The following WWC1 variants were observed in gnomAD, a reference collection of about 807,000 sequenced individuals.
WWC1 encodes the protein protein KIBRA.
In WWC1, 55 loss-of-function variants were observed where a neutral mutation model predicts 138.4. The ratio of observed to expected loss-of-function variants is 0.40; its 90% CI spans 0.32 to 0.50. The LOEUF (loss-of-function observed/expected upper bound fraction) is 0.50. WWC1 is among the 20% of genes least tolerant of loss of function. The pLI is 0.72. For missense variants in WWC1, 1,226 were observed against 1,420.4 expected (o/e 0.86, Z 2.20); for synonymous variants, 524 against 564.9 (o/e 0.93, Z 1.03).
chr5:168,370,934 T>C (rs898482017), intron 1 of WWC1, among the ~76,000 whole-genome samples: 8 of 152,208 alleles, frequency 5.3e-5, no homozygotes, highest in Admixed American at 4.6e-4. Context: ...CATCTGCTAT[T>C]CTTGATGTTG....
intron 17 of WWC1, among the ~76,000 whole-genome samples, chr5:168,451,903 C>CTTTTTTTTTT (rs3085192): frequency 9.2e-6 from 1 of 108,526 alleles, no homozygotes; most frequent in Non-Finnish European, 1.8e-5. Context: ...TTGTTGGTGT[C>CTTTTTTTTTT]TTTTTTTTTT....
intron 9 of WWC1, among the ~76,000 whole-genome samples, chr5:168,421,322 ACAC>A (rs1477622245): frequency 6.6e-6 from 1 of 152,206 alleles, no homozygotes; most frequent in South Asian, 2.1e-4. Context: ...GGCAGGGTAC[ACAC>A]CACCAGTCTC....
At chr5:168,397,970 T>A (rs1369804308) in intron 4 of WWC1, among the ~76,000 whole-genome samples, 170 bp downstream of exon 4, 5 of 152,194 alleles carry the variant, frequency 3.3e-5, no homozygotes, top group Admixed American at 6.5e-5. Flanking sequence ...ATAGTAATGG[T>A]TGTAGCAGCT....
rs185055112 is a variant in WWC1, at chr5:168,306,103, A to G, written c.119+13832A>G. Among the ~76,000 whole-genome samples the G allele has an allele frequency of 1.9e-3, 282 of 152,326 alleles. 2 individuals are homozygous for G. Among genetic ancestry groups the G allele is most frequent in the Admixed American group, 4.3e-3 (66 of 15,290 alleles). The stretch of plus-strand genomic sequence containing the variant: ...ATAGTTGCAGGAGGTGGAGAAGTAA[A>G]TATCTGGGAGATGGCCGGGTGCAGT... On this transcript the variant is annotated intron_variant, in intron 1 of 22. Transcript: ENST00000265293.
At chr5:168,356,537 G>T (rs1383603160) in intron 1 of WWC1, among the ~76,000 whole-genome samples, 1 of 152,218 alleles carries the variant, frequency 6.6e-6, no homozygotes, top group South Asian at 2.1e-4. Flanking sequence ...TCTGGGAATC[G>T]AATGTGATAA....
At chr5:168,327,919 A>G (rs1488601538) in intron 1 of WWC1, among the ~76,000 whole-genome samples, 1 of 152,122 alleles carries the variant, frequency 6.6e-6, no homozygotes, top group Non-Finnish European at 1.5e-5. Context: ...AATTCTGAAC[A>G]CTCAGCTGGG....
intron 1 of WWC1, among the ~76,000 whole-genome samples, chr5:168,346,695 C>T (rs894821303): frequency 2.0e-5 from 3 of 152,294 alleles, no homozygotes; most frequent in Middle Eastern, 3.4e-3. Context: ...AAGTAAAAGC[C>T]GGGACCTCCC....
chr5:168,390,223 A>T (rs1441069653), intron 3 of WWC1, among the ~76,000 whole-genome samples: 1 of 152,228 alleles, frequency 6.6e-6, no homozygotes, highest in Non-Finnish European at 1.5e-5. Context: ...TAACAAATGT[A>T]AAGTCCTTGG....
chr5:168,428,631 G>A, intron 12 of WWC1, 76 bp from the exon 13 acceptor site: 2 of 1,446,118 alleles, frequency 1.4e-6, no homozygotes, highest in South Asian at 1.2e-5. Flanking sequence ...TCCTTCCTGG[G>A]GATGTAACCT....
chr5:168,292,417 C>T lies in WWC1; in HGVS notation c.119+146C>T, dbSNP rs575060558. The T allele has an allele frequency of 1.0e-6, 1 of 969,030 alleles. No individual in the cohort carries two copies. Among genetic ancestry groups the T allele is most frequent in the Non-Finnish European group, 1.5e-6 (1 of 675,362 alleles). The allele number at this position is 969,030 out of a possible 1,614,324, so 60.0% of individuals were successfully genotyped here. On this transcript the variant is annotated intron_variant, in intron 1 of 22. Coordinates refer to ENST00000265293, the MANE Select transcript of WWC1 (RefSeq NM_015238.3). The surrounding 1 kb of genome is among the most constrained non-coding windows in gnomAD (Gnocchi z 4.4). ...TTCAGTTCGCCACCCCCTGCTCCCC[C>T]CAACCTTCTGGAGCGCTGCTCCCGC...
Position 168,372,053 on chromosome 5 carries a change from TTGTGTGTGTG to T in WWC1, c.229+552_229+561del, listed in dbSNP as rs10595228. ...AGAGAGAGAGAGAGAAAGAGTGTGT[TTGTGTGTGTG>T]TGTGTGTGTGTGTGTGTGTGTGTGT... On this transcript the variant is annotated intron_variant, in intron 2 of 22. Transcript: ENST00000265293. Among the ~76,000 whole-genome samples, 220 of 141,336 alleles carry T rather than the reference TTGTGTGTGTG, an allele frequency of 1.6e-3. 1 individual carries two copies. Among genetic ancestry groups the T allele is most frequent in the Middle Eastern group, 0.011 (3 of 284 alleles). The allele number at this position is 141,336 out of a possible 152,430, so 92.7% of individuals were successfully genotyped here. A position where few individuals can be genotyped will look rare whatever the true frequency, so the allele number is the denominator to read the frequency against.
chr5:168,362,676 A>G (rs1775967735), intron 1 of WWC1, among the ~76,000 whole-genome samples: 1 of 152,252 alleles, frequency 6.6e-6, no homozygotes, highest in African/African-American at 2.4e-5. Context: ...CCCAACAGGC[A>G]GCACACAGAG....
chr5:168,449,251 T>C (rs1391647943), intron 17 of WWC1, among the ~76,000 whole-genome samples: 1 of 152,206 alleles, frequency 6.6e-6, no homozygotes, highest in African/African-American at 2.4e-5. Flanking sequence ...TGTGGTTTTT[T>C]TTTCTCATCT....
At chr5:168,336,181 G>A (rs1773435687) in intron 1 of WWC1, among the ~76,000 whole-genome samples, 2 of 152,194 alleles carry the variant, frequency 1.3e-5, no homozygotes, top group Non-Finnish European at 2.9e-5. Context: ...AAACTCAGCT[G>A]TAGGTGATTT....
chr5:168,346,297 G>T lies in WWC1; in HGVS notation c.120-25127G>T, dbSNP rs566286038. ...AAGATACTTAGGAAAGCAGGGAGCA[G>T]CCCAGAGTGCGAGCCCAGTGTCACA... On this transcript the variant is annotated intron_variant, in intron 1 of 22. Transcript: ENST00000265293. 2.6e-5 allele frequency among the ~76,000 whole-genome samples: 4 copies of T among 152,286 alleles called. No homozygotes were observed. The East Asian group carries it at 7.7e-4, about 29-fold the overall frequency.
At chr5:168,423,512 C>G (rs1351007434) in intron 10 of WWC1, 21 bp from the exon 11 acceptor site, 2 of 1,594,160 alleles carry the variant, frequency 1.3e-6, no homozygotes, top group Non-Finnish European at 1.7e-6. Context: ...TCTCACTGTC[C>G]TTCCCCTCCC....
chr5:168,334,185 C>T (rs113380505), intron 1 of WWC1, among the ~76,000 whole-genome samples: 1,880 of 151,966 alleles, frequency 0.012, 33 homozygotes, highest in African/African-American at 0.043. Context: ...GATGATACCC[C>T]TGCACTCCAG....
rs1393179471 is a variant in WWC1 at position 168,410,929 on chromosome 5, TG to T, written c.941+935del. 8.0e-4 allele frequency among the ~76,000 whole-genome samples: 110 copies of T among 137,830 alleles called. 2 individuals are homozygous for T. In the South Asian group the frequency reaches 0.014, roughly 18 times the overall value. 90.4% of individuals were successfully genotyped at this position (137,830 alleles called of 152,430 possible). A position where few individuals can be genotyped will look rare whatever the true frequency, so the allele number is the denominator to read the frequency against. On this transcript the variant is annotated intron_variant, in intron 8 of 22. Transcript: ENST00000265293. The stretch of plus-strand genomic sequence containing the variant: ...AATCTGTCTTTAAGTTCATGATCTT[TG>T]CTTTTTTTTTTTTTTTTTTTTTGAG...
rs1287959691 is a variant in WWC1, at chr5:168,454,112, T to TG, written c.2658+18dup. 1.2e-6 allele frequency: 2 copies of TG among 1,609,684 alleles called. No individual in the cohort carries two copies. Among genetic ancestry groups the TG allele is most frequent in the Non-Finnish European group, 8.5e-7 (1 of 1,178,948 alleles). Reference sequence around the variant, plus strand: ...ACCCAGCATTAAAGGTAGGAAGGGCTGGGGGGATAGAAGGGCTGTCGTGGG... The same window carrying TG: ...ACCCAGCATTAAAGGTAGGAAGGGCTGGGGGGGATAGAAGGGCTGTCGTGGG... On this transcript the variant is annotated intron_variant, in intron 18 of 22. Transcript: ENST00000265293.
Sources: allele counts gnomAD v4.1 joint callset (sites outside exome capture counted in the v4.1 genomes callset), GRCh38; gene constraint gnomAD v4.1.1; non-coding constraint Gnocchi (gnomAD v3.1); transcripts MANE v1.5; gene names NCBI Gene and HGNC (gene_info 2026-07-23, HGNC 2026-07-21).